The following RBMS1 variants were observed in gnomAD, a reference collection of about 807,000 sequenced individuals.
RBMS1 encodes RNA-binding motif, single-stranded-interacting protein 1.
A neutral mutation model predicts 62.3 loss-of-function variants in RBMS1; 17 were observed. That is an observed-to-expected ratio of 0.27 (90% CI 0.19 to 0.41). RBMS1 has a LOEUF of 0.41. Ranked by LOEUF, RBMS1 falls within the 10% of genes least tolerant of loss-of-function variation. The probability of loss-of-function intolerance (pLI) is 1.00; values close to 1 mark genes in which losing one functional copy is unlikely to be tolerated. For missense variants in RBMS1, 334 were observed against 504.5 expected (o/e 0.66, Z 3.24); for synonymous variants, 172 against 170.0 (o/e 1.01, Z -0.09).
chr2:160,400,369 G>GA lies in RBMS1; in HGVS notation c.76-32979dup, dbSNP rs538601820. ...TGAAAAATACAAACATATATATGAG[G>GA]AAAAAAAAAAAAGAAGCTAAGAGCC... On this transcript the variant is annotated intron_variant, in intron 1 of 13. Transcript: ENST00000348849. 5.0e-3 allele frequency among the ~76,000 whole-genome samples: 688 copies of GA among 138,116 alleles called. 11 individuals carry two copies. Among genetic ancestry groups the GA allele is most frequent in the African/African-American group, 0.013 (494 of 37,708 alleles). The allele number at this position is 138,116 out of a possible 152,430, so 90.6% of individuals were successfully genotyped here. A position where few individuals can be genotyped will look rare whatever the true frequency, so the allele number is the denominator to read the frequency against.
chr2:160,493,219 C>A (rs549977771), intron 1 of RBMS1, 70 bp downstream of exon 1: 1 of 1,477,480 alleles, frequency 6.8e-7, no homozygotes, highest in East Asian at 2.3e-5. Flanking sequence ...GCCCCCCTCC[C>A]CAGGCCTGAC....
intron 1 of RBMS1, among the ~76,000 whole-genome samples, chr2:160,456,033 T>C (rs1481977314): frequency 6.6e-6 from 1 of 152,090 alleles, no homozygotes; most frequent in Admixed American, 6.5e-5. Context: ...AAAGCAATAT[T>C]TGGAAAATCA....
chr2:160,296,380 A>G (rs1440258368), intron 6 of RBMS1, among the ~76,000 whole-genome samples: 1 of 152,190 alleles, frequency 6.6e-6, no homozygotes, highest in Non-Finnish European at 1.5e-5. Flanking sequence ...AGGTTTTAGT[A>G]TTACAAGATC....
chr2:160,408,157 C>A (rs1164277698), intron 1 of RBMS1, among the ~76,000 whole-genome samples: 1 of 151,712 alleles, frequency 6.6e-6, no homozygotes, highest in Non-Finnish European at 1.5e-5. Flanking sequence ...GAGTAGCCAA[C>A]CCCCCTCCTC....
intron 1 of RBMS1, among the ~76,000 whole-genome samples, chr2:160,374,608 T>C (rs906265577): frequency 6.6e-6 from 1 of 151,964 alleles, no homozygotes; most frequent in Admixed American, 6.6e-5. Flanking sequence ...CCCTTCCTTC[T>C]ATAAAAATAA....
intron 2 of RBMS1, among the ~76,000 whole-genome samples, chr2:160,359,780 C>T (rs751480219): frequency 2.6e-5 from 4 of 152,062 alleles, no homozygotes; most frequent in Admixed American, 2.0e-4. Flanking sequence ...GTAATAAAAG[C>T]GATGATTATT....
intron 1 of RBMS1, among the ~76,000 whole-genome samples, chr2:160,454,715 GA>G (rs1340325740): frequency 1.3e-5 from 2 of 152,196 alleles, no homozygotes; most frequent in Non-Finnish European, 2.9e-5. Flanking sequence ...TCCTGTGAAA[GA>G]GTCTGCACTT....
At chr2:160,461,155 G>A (rs1405136174) in intron 1 of RBMS1, among the ~76,000 whole-genome samples, 1 of 151,996 alleles carries the variant, frequency 6.6e-6, no homozygotes, top group Admixed American at 6.6e-5. Flanking sequence ...GGACTGAGGT[G>A]GAAGGATCAC....
chr2:160,277,453 G>T, intron 11 of RBMS1, 70 bp from the exon 12 acceptor site: 1 of 1,135,758 alleles, frequency 8.8e-7, no homozygotes, highest in Non-Finnish European at 1.3e-6. Context: ...TGGGGGGATT[G>T]TGAGATGGAT....
At chr2:160,325,936 A>T (rs1250416205) in intron 2 of RBMS1, among the ~76,000 whole-genome samples, 1 of 152,214 alleles carries the variant, frequency 6.6e-6, no homozygotes, top group Non-Finnish European at 1.5e-5. Flanking sequence ...CACAAAAATT[A>T]AGGGTATAGA....
chr2:160,367,260 C>T lies in RBMS1; in HGVS notation c.207G>A (p.Leu69=). ...GGTCCTGGTCGGTGGTGTGGGGAGGCAGTCCTCGGATATAGAGGTTCGTTT... is the reference window on the plus strand; with the variant it reads ...GGTCCTGGTCGGTGGTGTGGGGAGGTAGTCCTCGGATATAGAGGTTCGTTT... ...LSKTNLYIRG[L]PPHTTDQDLV... is the part of the protein sequence containing the mutation. Residue 69 remains leucine (L), a synonymous_variant, in exon 2 of 14, where the codon CTG becomes CTA. Transcript: ENST00000348849. 1 of 1,613,844 alleles carries T rather than the reference C, an allele frequency of 6.2e-7. No homozygotes were observed. The highest frequency in any genetic ancestry group is 8.5e-7 in the Non-Finnish European group (1 of 1,179,982).
rs530041069 is a variant in RBMS1, at chr2:160,433,216, C to T, written c.75+60073G>A. ...ATCGCTTGGGCTCAAGAGTTCAAGA[C>T]CAGCCTGAGCAACATGGTGAAACCC... On this transcript the variant is annotated intron_variant, in intron 1 of 13. Transcript: ENST00000348849. Among the ~76,000 whole-genome samples the T allele has an allele frequency of 2.2e-4, 34 of 152,250 alleles. 3 individuals carry two copies. In the South Asian group the frequency reaches 6.8e-3, roughly 31 times the overall value.
chr2:160,435,389 T>A (rs964953652), intron 1 of RBMS1, among the ~76,000 whole-genome samples: 2 of 152,246 alleles, frequency 1.3e-5, no homozygotes, highest in Admixed American at 6.5e-5. Flanking sequence ...CCTCATTTTA[T>A]AGATTAAAAG....
intron 6 of RBMS1, among the ~76,000 whole-genome samples, 164 bp downstream of exon 6, chr2:160,300,487 T>C (rs1189511926): frequency 6.6e-6 from 1 of 152,220 alleles, no homozygotes; most frequent in African/African-American, 2.4e-5. Flanking sequence ...CCAATGCCTA[T>C]GCCTAGGGAG....
intron 5 of RBMS1, among the ~76,000 whole-genome samples, chr2:160,302,107 T>C (rs188689735): frequency 2.6e-5 from 4 of 152,118 alleles, no homozygotes; most frequent in Admixed American, 1.3e-4. Context: ...GAAACCAAAA[T>C]AACCACTACT....
chr2:160,450,586 A>AAAC (rs1683940495), intron 1 of RBMS1, among the ~76,000 whole-genome samples: 2 of 150,964 alleles, frequency 1.3e-5, no homozygotes, highest in Non-Finnish European at 3.0e-5. Context: ...AAAACAAAAA[A>AAAC]CATTAACCCA....
chr2:160,397,361 C>T (rs542648715), intron 1 of RBMS1, among the ~76,000 whole-genome samples: 1 of 152,166 alleles, frequency 6.6e-6, no homozygotes, highest in Non-Finnish European at 1.5e-5. Context: ...GGCCTTCCTG[C>T]CTTCTCTAGC....
chr2:160,354,025 G>C (rs1418785118), intron 2 of RBMS1, among the ~76,000 whole-genome samples: 2 of 152,068 alleles, frequency 1.3e-5, no homozygotes, highest in Non-Finnish European at 2.9e-5. Context: ...GGAAAGCTCT[G>C]AGCCTGTGCT....
chr2:160,410,221 CAAAAAAAAA>C (rs575199475), intron 1 of RBMS1, among the ~76,000 whole-genome samples: 9 of 68,020 alleles, frequency 1.3e-4, no homozygotes, highest in South Asian at 6.5e-4. Flanking sequence ...GACCCCGTCT[CAAAAAAAAA>C]AAAAAAAAAA....
Sources: allele counts gnomAD v4.1 joint callset (sites outside exome capture counted in the v4.1 genomes callset), GRCh38; gene constraint gnomAD v4.1.1; transcripts MANE v1.5; gene names NCBI Gene and HGNC (gene_info 2026-07-23, HGNC 2026-07-21).